Variants in TXNRD2 observed in about 807,000 individuals in gnomAD.
TXNRD2 encodes the protein thioredoxin reductase 2, mitochondrial.
A neutral mutation model predicts 70.8 loss-of-function variants in TXNRD2; 67 were observed. The ratio of observed to expected loss-of-function variants is 0.95; its 90% CI spans 0.78 to 1.16. TXNRD2 has a LOEUF of 1.16. TXNRD2 is among the 50% of genes most tolerant of loss of function. TXNRD2 has a pLI of 0.00. For missense variants in TXNRD2, 644 were observed against 719.9 expected, an observed-to-expected ratio of 0.89 and a Z score of 1.21; for synonymous variants, 301 against 295.8, an observed-to-expected ratio of 1.02 and a Z score of -0.18.
At chr22:19,920,764 GA>G (rs1227660951) in intron 2 of TXNRD2, among the ~76,000 whole-genome samples, 1 of 152,204 alleles carries the variant, frequency 6.6e-6, no homozygotes, top group Non-Finnish European at 1.5e-5. Flanking sequence ...GTGGCTATTA[GA>G]AAGCAAGATT....
intron 2 of TXNRD2, among the ~76,000 whole-genome samples, chr22:19,923,716 T>C (rs1941006197): frequency 6.6e-6 from 1 of 151,972 alleles, no homozygotes; most frequent in Middle Eastern, 3.4e-3. Flanking sequence ...GCAGAAGAAC[T>C]GCTTGAACCC....
At chr22:19,893,310 T>TAACA in intron 11 of TXNRD2, among the ~76,000 whole-genome samples, 1 of 152,276 alleles carries the variant, frequency 6.6e-6, no homozygotes, top group Non-Finnish European at 1.5e-5. Context: ...CTCGGAGAAC[T>TAACA]AACAACACTG....
intron 7 of TXNRD2, among the ~76,000 whole-genome samples, chr22:19,912,724 C>T (rs1435561982): frequency 1.3e-5 from 2 of 152,238 alleles, no homozygotes; most frequent in African/African-American, 4.8e-5. Flanking sequence ...CACCTCTGTG[C>T]ATAAGCAACC....
intron 1 of TXNRD2, among the ~76,000 whole-genome samples, chr22:19,931,850 C>T (rs771868339): frequency 1.3e-5 from 2 of 151,996 alleles, no homozygotes; most frequent in Non-Finnish European, 2.9e-5. Flanking sequence ...GGCTGCCCTC[C>T]GTCACAAGTG....
chr22:19,924,063 C>T (rs10212039), intron 2 of TXNRD2, among the ~76,000 whole-genome samples: 112,114 of 151,588 alleles, frequency 0.74, 41,909 homozygotes, highest in Admixed American at 0.83. Flanking sequence ...TGCAGCGGTG[C>T]GATCACAGCT....
intron 8 of TXNRD2, among the ~76,000 whole-genome samples, chr22:19,909,415 A>C (rs1242591714): frequency 6.6e-6 from 1 of 152,010 alleles, no homozygotes; most frequent in African/African-American, 2.4e-5. Context: ...TACCACATCC[A>C]TTCAAGGGAA....
chr22:19,922,356 TAACTA>T (rs577313834), intron 2 of TXNRD2, among the ~76,000 whole-genome samples: 103 of 152,358 alleles, frequency 6.8e-4, no homozygotes, highest in African/African-American at 2.3e-3. Flanking sequence ...TCTGTCTCGG[TAACTA>T]AACTGCAGAA....
intron 16 of TXNRD2, among the ~76,000 whole-genome samples, chr22:19,877,704 AAC>A (rs1938572663): frequency 2.0e-5 from 3 of 152,148 alleles, no homozygotes; most frequent in Admixed American, 6.5e-5. Context: ...GGACCCCGAA[AAC>A]ACACAGCCTG....
intron 1 of TXNRD2, among the ~76,000 whole-genome samples, chr22:19,931,967 T>G (rs1291913526): frequency 4.0e-5 from 6 of 151,856 alleles, no homozygotes; most frequent in Non-Finnish European, 8.8e-5. Flanking sequence ...GAGACCATCC[T>G]GGCTAACACA....
chr22:19,903,723 C>T (rs1939881478), intron 8 of TXNRD2, among the ~76,000 whole-genome samples: 2 of 152,226 alleles, frequency 1.3e-5, no homozygotes, highest in Non-Finnish European at 2.9e-5. Context: ...CAGTGCCTGC[C>T]TCTGTAAAGG....
chr22:19,935,781 C>T (rs930976763), intron 1 of TXNRD2, among the ~76,000 whole-genome samples: 6 of 151,876 alleles, frequency 4.0e-5, no homozygotes, highest in Admixed American at 2.0e-4. Flanking sequence ...CAATATCTGG[C>T]GCCCAACGTG....
At chr22:19,902,165 AGAGT>A (rs1339702213) in intron 8 of TXNRD2, among the ~76,000 whole-genome samples, 1 of 152,226 alleles carries the variant, frequency 6.6e-6, no homozygotes, top group African/African-American at 2.4e-5. Context: ...CCCGGGAAAC[AGAGT>A]GAGACCCTGT....
chr22:19,892,181 T>C (rs1939294095), intron 11 of TXNRD2, among the ~76,000 whole-genome samples: 1 of 152,266 alleles, frequency 6.6e-6, no homozygotes. Context: ...GGCGCTTTAT[T>C]TTAACCTCCC....
intron 8 of TXNRD2, among the ~76,000 whole-genome samples, chr22:19,901,036 C>T (rs1036748647): frequency 2.0e-5 from 3 of 152,214 alleles, no homozygotes; most frequent in African/African-American, 7.2e-5. Flanking sequence ...AGGAATGGGC[C>T]CTGCAGCTGC....
At chr22:19,915,305 C>T in intron 6 of TXNRD2, 29 bp from the exon 7 acceptor site, 1 of 1,606,988 alleles carries the variant, frequency 6.2e-7, no homozygotes, top group South Asian at 1.1e-5. Context: ...AGCCGTGGGT[C>T]AGACAGGTGC....
At chr22:19,878,946 G>C (rs1026965422) in intron 14 of TXNRD2, among the ~76,000 whole-genome samples, 2 of 152,208 alleles carry the variant, frequency 1.3e-5, no homozygotes, top group Non-Finnish European at 2.9e-5. Flanking sequence ...CAGCGTGTCC[G>C]GGGCTGCGGC....
intron 2 of TXNRD2, among the ~76,000 whole-genome samples, chr22:19,924,583 C>T (rs116277372): frequency 6.6e-6 from 1 of 152,146 alleles, no homozygotes; most frequent in Non-Finnish European, 1.5e-5. Flanking sequence ...GAAGATATAA[C>T]CAAAGGCTCA....
At chr22:19,879,354 C>A (rs1365642030) in intron 14 of TXNRD2, among the ~76,000 whole-genome samples, 2 of 152,140 alleles carry the variant, frequency 1.3e-5, no homozygotes, top group Non-Finnish European at 2.9e-5. Flanking sequence ...AAGATGAAAC[C>A]GCACCGAAGG....
intron 7 of TXNRD2, among the ~76,000 whole-genome samples, chr22:19,914,456 C>T (rs546767897): frequency 6.6e-6 from 1 of 152,188 alleles, no homozygotes; most frequent in East Asian, 1.9e-4. Context: ...TGTAGGTGAA[C>T]CTGGAGGATG....
Sources: allele counts gnomAD v4.1 joint callset (sites outside exome capture counted in the v4.1 genomes callset), GRCh38; gene constraint gnomAD v4.1.1; transcripts MANE v1.5; gene names NCBI Gene and HGNC (gene_info 2026-07-23, HGNC 2026-07-21).